The following FANCD2OS variants were observed in gnomAD, a reference collection of about 807,000 sequenced individuals.
The protein encoded by FANCD2OS is FANCD2 opposite strand, also known as FANCD2 opposite strand protein.
FANCD2OS carries 11 observed loss-of-function variants against 13.2 expected under a neutral mutation model. The ratio of observed to expected loss-of-function variants is 0.83; its 90% CI spans 0.52 to 1.38. The LOEUF is 1.38. Ranked by LOEUF, FANCD2OS falls within the 40% of genes most tolerant of loss-of-function variation. FANCD2OS has a pLI of 0.00. For synonymous variants in FANCD2OS, 69 were observed against 84.5 expected (o/e 0.82, Z 1.01); for missense variants, 217 against 213.9 (o/e 1.01, Z -0.09).
downstream of FANCD2OS, chr3:10,101,377 C>CTTTTTT (rs950337384): frequency 5.1e-6 from 2 of 388,514 alleles, no homozygotes; most frequent in Non-Finnish European, 9.2e-6. Context: ...TTTTGTTCCT[C>CTTTTTT]TTTTTTTTTT....
chr3:10,096,376 C>G, intron 2 of FANCD2OS: 1 of 1,613,950 alleles, frequency 6.2e-7, no homozygotes, highest in East Asian at 2.2e-5. Flanking sequence ...TCAAAAAGAC[C>G]CTGGAACTTT....
intron 2 of FANCD2OS, chr3:10,096,530 A>G: frequency 6.5e-7 from 1 of 1,547,112 alleles, no homozygotes; most frequent in Non-Finnish European, 8.9e-7. Context: ...TGACAGCATC[A>G]GATGGCATGT....
chr3:10,101,364 C>T, downstream of FANCD2OS: 10 of 675,814 alleles, frequency 1.5e-5, no homozygotes, highest in East Asian at 5.9e-5. Context: ...TGGTAGGATC[C>T]TTTTTTGTTC....
chr3:10,081,510 T>C, exon 3 of FANCD2OS: 2 of 1,289,234 alleles, frequency 1.6e-6, no homozygotes, highest in Admixed American at 3.4e-5. Context: ...ATACTTGCTT[T>C]TATTTGACAG....
At position 10,104,789 on chromosome 3, in the gene FANCD2OS, G is replaced by C; in HGVS notation, c.-8-7C>G. The stretch of plus-strand genomic sequence containing the variant: ...TATCCTGCCATTGACAGTCCTAAAG[G>C]AGGGAAATCAGAGCATGGAATTTCC... On this transcript the variant is annotated splice_region_variant and splice_polypyrimidine_tract_variant and intron_variant, in intron 1 of 1. Transcript: ENST00000450660. The C allele has an allele frequency of 6.5e-7, 1 of 1,539,448 alleles. No individual in the cohort carries two copies. Among genetic ancestry groups the C allele is most frequent in the Non-Finnish European group, 8.7e-7 (1 of 1,143,166 alleles).
chr3:10,089,078 G>T, intron 2 of FANCD2OS: 1 of 1,044,090 alleles, frequency 9.6e-7, no homozygotes, highest in African/African-American at 1.6e-5. Flanking sequence ...GAGGTCAGGA[G>T]TTTTGAGACC....
chr3:10,090,356 G>GGGCTC, intron 2 of FANCD2OS: 2 of 1,608,530 alleles, frequency 1.2e-6, no homozygotes, highest in Non-Finnish European at 1.7e-6. Context: ...GAAAAAAATT[G>GGGCTC]AGCCTGGCAC....
chr3:10,095,930 G>A (rs987093363), intron 2 of FANCD2OS, among the ~76,000 whole-genome samples: 4 of 148,156 alleles, frequency 2.7e-5, no homozygotes, highest in South Asian at 2.1e-4. Flanking sequence ...AGCCCAGGCC[G>A]GAGTGCAGTG....
At chr3:10,100,913 A>T (rs531412314), downstream of FANCD2OS, among the ~76,000 whole-genome samples, 1 of 152,156 alleles carries the variant, frequency 6.6e-6, no homozygotes, top group East Asian at 1.9e-4. Context: ...CTACCAAAAT[A>T]CAAAAATTAG....
At chr3:10,094,951 T>C (rs1467079825) in intron 2 of FANCD2OS, 18 of 517,832 alleles carry the variant, frequency 3.5e-5, no homozygotes, top group Non-Finnish European at 2.8e-5. Context: ...AACTGAGACA[T>C]GGTAACCTAT....
chr3:10,102,890 C>T (rs1215308682), downstream of FANCD2OS: 1 of 176,608 alleles, frequency 5.7e-6, no homozygotes, highest in Non-Finnish European at 1.2e-5. Flanking sequence ...AAAAAAGCAG[C>T]ATCAAACTCA....
rs746501818 is a variant in FANCD2OS at position 10,094,359 on chromosome 3, A to G, written c.*43+9839T>C. On this transcript the variant is annotated intron_variant, in intron 2 of 2. Coordinates refer to the FANCD2OS transcript ENST00000524279. Reference sequence around the variant, plus strand: ...CTCCTAGACTTCAGTTTTAGAAAACACCGGGTAAGAGCTAAGAGCAGAGAA... The same window carrying G: ...CTCCTAGACTTCAGTTTTAGAAAACGCCGGGTAAGAGCTAAGAGCAGAGAA... 5 of 1,613,128 alleles carry G rather than the reference A, an allele frequency of 3.1e-6. No individual in the cohort carries two copies. The East Asian group carries it at 8.9e-5, about 29-fold the overall frequency.
At chr3:10,091,342 A>T (rs537256927) in intron 2 of FANCD2OS, among the ~76,000 whole-genome samples, 1 of 150,750 alleles carries the variant, frequency 6.6e-6, no homozygotes, top group Admixed American at 6.7e-5. Flanking sequence ...CAGCCTCCCA[A>T]AGTGCTGGGA....
downstream of FANCD2OS, among the ~76,000 whole-genome samples, chr3:10,102,422 C>T (rs552637787): frequency 1.1e-3 from 171 of 152,142 alleles, no homozygotes; most frequent in African/African-American, 3.9e-3. Context: ...CAATTACAGG[C>T]GTGAGCCACC....
intron 2 of FANCD2OS, among the ~76,000 whole-genome samples, chr3:10,089,650 A>G (rs1212775191): frequency 1.3e-5 from 2 of 152,238 alleles, no homozygotes; most frequent in East Asian, 3.9e-4. Flanking sequence ...TTGTATTTTT[A>G]GTAGAGATTG....
intron 2 of FANCD2OS, among the ~76,000 whole-genome samples, chr3:10,093,661 T>C (rs1279363768): frequency 1.3e-5 from 2 of 152,186 alleles, no homozygotes; most frequent in Admixed American, 1.3e-4. Flanking sequence ...TTAAAGTCTA[T>C]GGGTGGCCTT....
intron 2 of FANCD2OS, among the ~76,000 whole-genome samples, chr3:10,085,211 A>C (rs1478592530): frequency 6.6e-6 from 1 of 152,068 alleles, no homozygotes; most frequent in Non-Finnish European, 1.5e-5. Flanking sequence ...TTCAAAGTAA[A>C]CCTATGGCCC....
intron 1 of FANCD2OS, among the ~76,000 whole-genome samples, chr3:10,105,772 T>TTTTA (rs1553616637): frequency 4.4e-5 from 1 of 22,648 alleles, no homozygotes; most frequent in East Asian, 1.7e-3. Context: ...AAAAAAAAAA[T>TTTTA]TATATATATA....
At chr3:10,099,321 G>C (rs1695164893), downstream of FANCD2OS, 2 of 1,211,572 alleles carry the variant, frequency 1.7e-6, no homozygotes, top group South Asian at 3.9e-5. Context: ...TTTAAAGAAA[G>C]CTAAATAAAA....
Sources: gnomAD v4.1 joint callset for allele counts (sites outside exome capture counted in the v4.1 genomes callset) on GRCh38, gnomAD v4.1.1 for gene constraint, MANE v1.5 for transcripts, NCBI Gene and HGNC (gene_info 2026-07-23, HGNC 2026-07-21) for gene names.